The following STRN3 variants were observed in gnomAD, a reference collection of about 807,000 sequenced individuals.
STRN3 encodes striatin-3.
A neutral mutation model predicts 95.6 loss-of-function variants in STRN3; 29 were observed. The ratio of observed to expected loss-of-function variants is 0.30; its 90% confidence interval spans 0.23 to 0.41. STRN3 has a LOEUF of 0.41. Ranked by LOEUF, STRN3 falls within the 10% of genes least tolerant of loss-of-function variation. STRN3 has a pLI of 1.00. For synonymous variants in STRN3, 331 were observed against 357.6 expected (o/e 0.93, Z 0.84); for missense variants, 890 against 972.1 (o/e 0.92, Z 1.12).
At chr14:30,933,301 A>AC (rs1566443592) in intron 7 of STRN3, among the ~76,000 whole-genome samples, 4 of 150,752 alleles carry the variant, frequency 2.7e-5, no homozygotes, top group Non-Finnish European at 5.9e-5. Context: ...AAAAAAAAAA[A>AC]AAAACGATGC....
At chr14:30,946,831 T>C (rs556122926) in intron 5 of STRN3, among the ~76,000 whole-genome samples, 7 of 151,774 alleles carry the variant, frequency 4.6e-5, no homozygotes, top group African/African-American at 1.7e-4. Context: ...TACAAAAAAT[T>C]AGCCAGGAGT....
chr14:30,928,143 T>C (rs1878286241), intron 8 of STRN3, among the ~76,000 whole-genome samples: 1 of 152,022 alleles, frequency 6.6e-6, no homozygotes, highest in Admixed American at 6.6e-5. Flanking sequence ...TCACATGCAA[T>C]AACAAAAGCT....
chr14:30,985,660 G>A (rs1182733291), intron 1 of STRN3, among the ~76,000 whole-genome samples: 1 of 151,906 alleles, frequency 6.6e-6, no homozygotes, highest in Non-Finnish European at 1.5e-5. Flanking sequence ...CTCTTATATG[G>A]GAAAATATAC....
chr14:30,933,240 C>T (rs886847973), intron 7 of STRN3, among the ~76,000 whole-genome samples: 7 of 136,144 alleles, frequency 5.1e-5, no homozygotes, highest in African/African-American at 8.3e-5. Context: ...GATTGCACCA[C>T]GGCACCCCAG....
intron 1 of STRN3, among the ~76,000 whole-genome samples, chr14:30,973,390 G>A (rs1347894262): frequency 6.6e-6 from 1 of 151,834 alleles, no homozygotes; most frequent in Non-Finnish European, 1.5e-5. Flanking sequence ...GAGACAGAGA[G>A]AGAGAAAGAG....
chr14:30,897,580 G>A (rs1278639022), intron 16 of STRN3, among the ~76,000 whole-genome samples: 9 of 152,108 alleles, frequency 5.9e-5, no homozygotes, highest in South Asian at 4.1e-4. Context: ...GTGAGACTCC[G>A]TCTCAAAAAA....
intron 1 of STRN3, among the ~76,000 whole-genome samples, chr14:30,993,371 A>T (rs943124088): frequency 1.3e-5 from 2 of 152,202 alleles, no homozygotes; most frequent in Non-Finnish European, 2.9e-5. Context: ...CATCATGAAT[A>T]CCTATATCAC....
At chr14:30,989,865 T>C (rs1305483380) in intron 1 of STRN3, among the ~76,000 whole-genome samples, 2 of 152,022 alleles carry the variant, frequency 1.3e-5, no homozygotes, top group Non-Finnish European at 2.9e-5. Context: ...TCAGTTTCCA[T>C]ATCTATGAAA....
chr14:30,914,676 C>A (rs1219527074), intron 9 of STRN3, among the ~76,000 whole-genome samples: 15 of 125,800 alleles, frequency 1.2e-4, no homozygotes, highest in African/African-American at 4.2e-4. Flanking sequence ...AAAGCTTTGA[C>A]TATGACTTTT....
At chr14:30,954,513 C>A (rs536406807) in intron 3 of STRN3, among the ~76,000 whole-genome samples, 1 of 152,238 alleles carries the variant, frequency 6.6e-6, no homozygotes, top group East Asian at 1.9e-4. Context: ...CGATATACTT[C>A]TGCCCATCCC....
chr14:31,023,914 T>C (rs1043703478), intron 1 of STRN3, among the ~76,000 whole-genome samples: 1 of 150,238 alleles, frequency 6.7e-6, no homozygotes, highest in Non-Finnish European at 1.5e-5. Flanking sequence ...AGAAACACTG[T>C]AGGACTTCTT....
chr14:30,903,488 AACTCCTGAGCTCAAGG>A (rs1479174821), intron 15 of STRN3, among the ~76,000 whole-genome samples: 3 of 152,150 alleles, frequency 2.0e-5, no homozygotes, highest in South Asian at 2.1e-4. Flanking sequence ...TGTAACCTTG[AACTCCTGAGCTCAAGG>A]GCTTCTCCTG....
intron 3 of STRN3, among the ~76,000 whole-genome samples, chr14:30,953,013 C>T (rs1003048702): frequency 1.1e-4 from 16 of 152,160 alleles, no homozygotes; most frequent in Admixed American, 2.0e-4. Context: ...ACTGCACTAT[C>T]ATCTGCTTCT....
chr14:30,924,633 T>C (rs1896974921), intron 8 of STRN3, among the ~76,000 whole-genome samples: 1 of 152,054 alleles, frequency 6.6e-6, no homozygotes, highest in African/African-American at 2.4e-5. Context: ...TGAGGTGAGA[T>C]GATCAGTTGA....
intron 1 of STRN3, among the ~76,000 whole-genome samples, chr14:30,958,103 C>G (rs964520460): frequency 3.3e-5 from 5 of 152,140 alleles, no homozygotes; most frequent in Admixed American, 2.0e-4. Flanking sequence ...TAAACAGCTA[C>G]AGAGTTCATG....
At chr14:30,970,857 G>A (rs1017644125) in intron 1 of STRN3, among the ~76,000 whole-genome samples, 1 of 152,226 alleles carries the variant, frequency 6.6e-6, no homozygotes, top group Non-Finnish European at 1.5e-5. Context: ...TTGTGCGCAC[G>A]GCAGGGAGGC....
chr14:30,969,279 T>C (rs1479341756), intron 1 of STRN3, among the ~76,000 whole-genome samples: 2 of 151,824 alleles, frequency 1.3e-5, no homozygotes, highest in Non-Finnish European at 2.9e-5. Context: ...ACTAAAAATA[T>C]AAACAAAATT....
chr14:31,024,192 T>C (rs575368433), intron 1 of STRN3, among the ~76,000 whole-genome samples: 5 of 152,288 alleles, frequency 3.3e-5, no homozygotes, highest in African/African-American at 1.2e-4. Flanking sequence ...ATTGCTAACT[T>C]GAAGAGTGTT....
intron 7 of STRN3, among the ~76,000 whole-genome samples, chr14:30,929,967 A>C (rs199964384): frequency 0.09 from 8,246 of 91,428 alleles, 649 homozygotes; most frequent in East Asian, 0.29. Context: ...AAAAAAAAAA[A>C]AAAAAAAAAA....
Sources: gnomAD v4.1 joint callset for allele counts (sites outside exome capture counted in the v4.1 genomes callset) on GRCh38, gnomAD v4.1.1 for gene constraint, MANE v1.5 for transcripts, NCBI Gene and HGNC (gene_info 2026-07-23, HGNC 2026-07-21) for gene names.